The following TENM3 variants were observed in gnomAD, a reference collection of about 807,000 sequenced individuals.
TENM3 encodes teneurin transmembrane protein 3.
Under a neutral mutation model 255.1 loss-of-function variants are expected in TENM3, and 63 were observed. The observed-to-expected ratio is 0.25, with a 90% confidence interval of 0.20 to 0.30. TENM3 has a LOEUF of 0.30. Ranked by LOEUF, TENM3 falls within the 10% of genes least tolerant of loss-of-function variation. The pLI, the probability that TENM3 is intolerant of heterozygous loss-of-function variation, is 1.00. For missense variants in TENM3, 2,929 were observed against 3,461.1 expected, an observed-to-expected ratio of 0.85 and a Z score of 3.86; for synonymous variants, 1,306 against 1,322.3, an observed-to-expected ratio of 0.99 and a Z score of 0.27.
chr4:181,732,531 A>T, the TENM3 span, among the ~76,000 whole-genome samples: 2 of 152,206 alleles, frequency 1.3e-5, no homozygotes, highest in African/African-American at 4.8e-5. Flanking sequence ...CTTTTTCATA[A>T]ATCAGGTAGG....
intron 1 of TENM3, among the ~76,000 whole-genome samples, chr4:182,157,846 A>AGC (rs1750813305): frequency 6.6e-6 from 1 of 152,194 alleles, no homozygotes; most frequent in Non-Finnish European, 1.5e-5. Flanking sequence ...ACGAACAGGT[A>AGC]ACAGCAACAC....
chr4:181,470,200 ACT>A, the TENM3 span, among the ~76,000 whole-genome samples: 1 of 151,986 alleles, frequency 6.6e-6, no homozygotes, highest in Non-Finnish European at 1.5e-5. Flanking sequence ...GGAATTTTAA[ACT>A]CTACAATAAA....
At chr4:182,231,517 G>A (rs1756580376) in intron 1 of TENM3, among the ~76,000 whole-genome samples, 1 of 152,150 alleles carries the variant, frequency 6.6e-6, no homozygotes, top group Admixed American at 6.5e-5. Flanking sequence ...CATTTGCTCA[G>A]CTTTATATTT....
chr4:181,622,720 G>A, the TENM3 span, among the ~76,000 whole-genome samples: 181 of 152,214 alleles, frequency 1.2e-3, 1 homozygote, highest in African/African-American at 4.1e-3. Context: ...TGTATGAGAC[G>A]GGAGGGCTTC....
intron 1 of TENM3, among the ~76,000 whole-genome samples, chr4:182,150,560 T>G (rs921635786): frequency 2.0e-5 from 3 of 152,076 alleles, no homozygotes; most frequent in African/African-American, 7.2e-5. Flanking sequence ...AGAGCTCTAT[T>G]TTATAGGCAT....
chr4:182,684,534 A>C (rs1287422390), intron 11 of TENM3, among the ~76,000 whole-genome samples: 1 of 151,766 alleles, frequency 6.6e-6, no homozygotes. Context: ...TTTATATGTA[A>C]AATGGAGATA....
the TENM3 span, among the ~76,000 whole-genome samples, chr4:181,808,996 A>C: frequency 1.3e-5 from 2 of 152,236 alleles, no homozygotes; most frequent in African/African-American, 2.4e-5. Context: ...TACAAAAGCC[A>C]CGCCAAATAT....
At chr4:182,648,677 T>C (rs1752976963) in intron 5 of TENM3, among the ~76,000 whole-genome samples, 2 of 152,186 alleles carry the variant, frequency 1.3e-5, no homozygotes, top group African/African-American at 4.8e-5. Context: ...CCAGATAGAA[T>C]GTGAGCAGCA....
chr4:182,693,838 A>G (rs1757187586), intron 12 of TENM3, among the ~76,000 whole-genome samples: 1 of 152,244 alleles, frequency 6.6e-6, no homozygotes, highest in Admixed American at 6.5e-5. Flanking sequence ...TAAAGCATTT[A>G]GCAAATAATG....
chr4:182,614,371 A>C lies in TENM3; in HGVS notation c.749+13210A>C, dbSNP rs181632481. ...AATGGCCAATTTTTAGAAAATTCACATACATAGACATTTACTTATCTGCCT... is the reference window on the plus strand; with the variant it reads ...AATGGCCAATTTTTAGAAAATTCACCTACATAGACATTTACTTATCTGCCT... On this transcript the variant is annotated intron_variant, in intron 4 of 27. Coordinates refer to ENST00000511685, the MANE Select transcript of TENM3 (RefSeq NM_001080477.4). Among the ~76,000 whole-genome samples the C allele has an allele frequency of 1.5e-4, 23 of 152,310 alleles. No homozygotes were observed. In the East Asian group the frequency reaches 4.0e-3, roughly 27 times the overall value.
chr4:181,851,611 C>G, the TENM3 span, among the ~76,000 whole-genome samples: 1 of 151,936 alleles, frequency 6.6e-6, no homozygotes, highest in South Asian at 2.1e-4. Flanking sequence ...AACGCACACA[C>G]GCACGCACGC....
the TENM3 span, among the ~76,000 whole-genome samples, chr4:181,468,385 G>A: frequency 3.3e-5 from 5 of 152,236 alleles, no homozygotes; most frequent in East Asian, 5.8e-4. Flanking sequence ...TTTACATCTT[G>A]TATCCAGTTA....
chr4:182,744,318 AATT>A (rs763480344), intron 19 of TENM3, among the ~76,000 whole-genome samples: 6 of 152,108 alleles, frequency 3.9e-5, no homozygotes, highest in African/African-American at 1.4e-4. Context: ...TTAATTGAAC[AATT>A]ATTATACAAT....
chr4:182,157,897 G>A (rs1750818229), intron 1 of TENM3, among the ~76,000 whole-genome samples: 1 of 152,114 alleles, frequency 6.6e-6, no homozygotes, highest in South Asian at 2.1e-4. Flanking sequence ...CAGATTATTT[G>A]CATATTAAAT....
the TENM3 span, among the ~76,000 whole-genome samples, chr4:181,897,194 A>C: frequency 4.2e-4 from 64 of 152,318 alleles, no homozygotes; most frequent in Non-Finnish European, 6.3e-4. Flanking sequence ...AGCAGTTCAA[A>C]CAAATTATTC....
At position 182,641,638 on chromosome 4, in the gene TENM3, C is replaced by T. The variant is rs561403299; in HGVS notation, c.989-12133C>T. On this transcript the variant is annotated intron_variant, in intron 5 of 27. Transcript: ENST00000511685. ...CACCTCATAGGTTCAAGTGAATCTC[C>T]TGCCTCAGCCTCCCGAGTAGCTGGG... is the stretch of plus-strand genomic sequence containing the variant. 2.0e-5 allele frequency among the ~76,000 whole-genome samples: 3 copies of T among 152,184 alleles called. No individual in the cohort carries two copies. The South Asian group carries it at 6.2e-4, about 32-fold the overall frequency.
the TENM3 span, among the ~76,000 whole-genome samples, chr4:181,524,901 G>C: frequency 6.6e-6 from 1 of 152,192 alleles, no homozygotes; most frequent in East Asian, 1.9e-4. Context: ...TGAAGGCTTA[G>C]AAGTTTTCAT....
At chr4:182,230,840 A>C (rs950080971) in intron 1 of TENM3, among the ~76,000 whole-genome samples, 1 of 113,270 alleles carries the variant, frequency 8.8e-6, no homozygotes, top group Admixed American at 8.4e-5. Context: ...ATATATATAT[A>C]TATATATATA....
intron 10 of TENM3, among the ~76,000 whole-genome samples, chr4:182,681,279 C>G (rs148896130): frequency 5.5e-4 from 84 of 152,316 alleles, no homozygotes; most frequent in African/African-American, 1.8e-3. Context: ...GATCTGCACA[C>G]ACAAAGTAAT....
Sources: gnomAD v4.1 joint callset for allele counts (sites outside exome capture counted in the v4.1 genomes callset) on GRCh38, gnomAD v4.1.1 for gene constraint, MANE v1.5 for transcripts, NCBI Gene and HGNC (gene_info 2026-07-23, HGNC 2026-07-21) for gene names.